Variants in ATP8B2 observed in about 807,000 individuals in gnomAD.
The protein encoded by ATP8B2 is ATPase phospholipid transporting 8B2, also known as phospholipid-transporting ATPase ID.
A neutral mutation model predicts 133.4 loss-of-function variants in ATP8B2; 70 were observed. The observed-to-expected ratio is 0.52, with a 90% CI of 0.43 to 0.64. The LOEUF (loss-of-function observed/expected upper bound fraction) is 0.64. Among genes scored for constraint, ATP8B2 ranks in the 30% least tolerant of loss-of-function variants. The pLI, the probability that ATP8B2 is intolerant of heterozygous loss-of-function variation, is 0.00. For synonymous variants in ATP8B2, 517 were observed against 589.5 expected (o/e 0.88, Z 1.78); for missense variants, 1,101 against 1,535.7 (o/e 0.72, Z 4.73).
rs1686125344 is a variant in ATP8B2 at position 154,334,949 on chromosome 1, AG to A, written c.837+359del. 6.6e-6 allele frequency among the ~76,000 whole-genome samples: 1 copy of A among 152,198 alleles called. No homozygotes were observed. Among genetic ancestry groups the A allele is most frequent in the African/African-American group, 2.4e-5 (1 of 41,442 alleles). ...ATTAAAAGAAAAATTTCCATTTGGAAGAGGTTGGCAGGGTCTTTTCCCCCCA... is the reference window on the plus strand; with the variant it reads ...ATTAAAAGAAAAATTTCCATTTGGAAAGGTTGGCAGGGTCTTTTCCCCCCA... On this transcript the variant is annotated intron_variant, in intron 11 of 27. Coordinates refer to ENST00000368489, the MANE Select transcript of ATP8B2 (RefSeq NM_001370597.1). This position sits in a 1 kb window ranked among gnomAD's most constrained non-coding sequence, Gnocchi z 4.6.
At chr1:154,341,307 A>T in intron 13 of ATP8B2, 1 of 566,516 alleles carries the variant, frequency 1.8e-6, no homozygotes, top group Admixed American at 3.0e-5. Flanking sequence ...CAACATAGTG[A>T]GACCACATCC....
At position 154,344,417 on chromosome 1, in the gene ATP8B2, T is replaced by C. The variant is rs1168663905; in HGVS notation, c.2058T>C (p.Tyr686=). The C allele has an allele frequency of 1.9e-6, 3 of 1,614,164 alleles. No individual in the cohort carries two copies. The highest frequency in any genetic ancestry group is 2.2e-5 in the East Asian group (1 of 44,890). ...DKQETAVNIG[Y]SCKMLTDDMT... ...TAGAGACGGCTGTGAACATCGGCTA[T>C]TCCTGCAAGATGCTGACGGATGACA... The change falls in exon 20 of 28, where the codon TAT becomes TAC. Residue 686 remains tyrosine, a synonymous_variant. Transcript: ENST00000368489. The surrounding 1 kb of genome is among the most constrained non-coding windows in gnomAD (Gnocchi z 4.1).
intron 27 of ATP8B2, 57 bp from the exon 28 acceptor site, chr1:154,348,783 T>C: frequency 6.7e-7 from 1 of 1,502,264 alleles, no homozygotes; most frequent in Non-Finnish European, 8.9e-7. Flanking sequence ...CCCTTCTCCT[T>C]GGCGATATCT....
At chr1:154,337,885 G>A (rs1032098245) in intron 12 of ATP8B2, 1 of 766,360 alleles carries the variant, frequency 1.3e-6, no homozygotes, top group Non-Finnish European at 1.9e-6. Context: ...TCTAGTAAAG[G>A]AAGGAAAATC....
chr1:154,343,872 G>A lies in ATP8B2; in HGVS notation c.1759-21G>A. The A allele has an allele frequency of 6.3e-7, 1 of 1,591,086 alleles. No individual in the cohort carries two copies. Among genetic ancestry groups the A allele is most frequent in the Non-Finnish European group, 8.6e-7 (1 of 1,168,466 alleles). ...TAGCTCTCCAGACTTACCCAGGTGT[G>A]CCTTTCCACTCTGCCTCCAGGAGTA... On this transcript the variant is annotated intron_variant, in intron 17 of 27. Coordinates refer to ENST00000368489, the MANE Select transcript of ATP8B2 (RefSeq NM_001370597.1). The surrounding 1 kb of genome is among the most constrained non-coding windows in gnomAD (Gnocchi z 5.8).
In ATP8B2 at chr1:154,345,793, C is replaced by T; in HGVS notation, c.2695-7C>T. The T allele has an allele frequency of 6.2e-7, 1 of 1,608,722 alleles. No homozygotes were observed. Among genetic ancestry groups the T allele is most frequent in the South Asian group, 1.1e-5 (1 of 90,928 alleles). On this transcript the variant is annotated splice_polypyrimidine_tract_variant and splice_region_variant and intron_variant, in intron 23 of 27. Coordinates refer to ENST00000368489, the MANE Select transcript of ATP8B2 (RefSeq NM_001370597.1). This position sits in a 1 kb window ranked among gnomAD's most constrained non-coding sequence, Gnocchi z 5.6. ...TGCATGCTCCCTTGCTCCCTGTTCTCTTCCAGACCGTCTATGACCAGTATT... is the reference window on the plus strand; with the variant it reads ...TGCATGCTCCCTTGCTCCCTGTTCTTTTCCAGACCGTCTATGACCAGTATT...
chr1:154,331,629 A>G lies in ATP8B2; in HGVS notation c.389A>G (p.Asn130Ser). The G allele has an allele frequency of 1.2e-6, 2 of 1,614,182 alleles. No homozygotes were observed. Among genetic ancestry groups the G allele is most frequent in the African/African-American group, 1.3e-5 (1 of 75,030 alleles). Residue 130 changes from asparagine (N) to serine (S), a missense_variant, in exon 7 of 28, where the codon AAT becomes AGT. Transcript: ENST00000368489. This position sits in a 1 kb window ranked among gnomAD's most constrained non-coding sequence, Gnocchi z 4.8. Reference protein sequence around the residue: ...NGILQQEQWMNVCVGDIIKLE... With the variant: ...NGILQQEQWMSVCVGDIIKLE... ...AGCCTCCAGCAGGAGCAGTGGATGA[A>G]TGTCTGTGTTGGTGATATTATCAAG...
In ATP8B2 at chr1:154,345,144, C is replaced by T; in HGVS notation, c.2460C>T (p.Ser820=). ...TTGGAGACGGAGCCAATGATGTCAGCATGATCAAAAGTGAGTGTGGGCTGT... is the reference window on the plus strand; with the variant it reads ...TTGGAGACGGAGCCAATGATGTCAGTATGATCAAAAGTGAGTGTGGGCTGT... The part of the protein sequence containing the change: ...LAIGDGANDV[S]MIKTAHIGVG... The change falls in exon 22 of 28, where the codon AGC becomes AGT. Residue 820 remains serine (S), a synonymous_variant. Transcript: ENST00000368489. This position sits in a 1 kb window ranked among gnomAD's most constrained non-coding sequence, Gnocchi z 5.6. 6.2e-7 allele frequency: 1 copy of T among 1,613,522 alleles called. No individual in the cohort carries two copies. The highest frequency in any genetic ancestry group is 8.5e-7 in the Non-Finnish European group (1 of 1,179,648).
chr1:154,338,046 G>C (rs796855932), intron 12 of ATP8B2, among the ~76,000 whole-genome samples: 1 of 152,242 alleles, frequency 6.6e-6, no homozygotes, highest in African/African-American at 2.4e-5. Flanking sequence ...TCTGGACAGT[G>C]TCAGACTGAG....
At chr1:154,333,869 A>G (rs1686087646) in intron 9 of ATP8B2, among the ~76,000 whole-genome samples, 1 of 151,982 alleles carries the variant, frequency 6.6e-6, no homozygotes, top group South Asian at 2.1e-4. Context: ...TCCTGACCTC[A>G]GCTGATCCAC....
rs1029902515 is a variant in ATP8B2 at position 154,343,883 on chromosome 1, C to T, written c.1759-10C>T. On this transcript the variant is annotated splice_polypyrimidine_tract_variant and intron_variant, in intron 17 of 27. Coordinates refer to ENST00000368489, the MANE Select transcript of ATP8B2 (RefSeq NM_001370597.1). This position sits in a 1 kb window ranked among gnomAD's most constrained non-coding sequence, Gnocchi z 5.8. ...ACTTACCCAGGTGTGCCTTTCCACT[C>T]TGCCTCCAGGAGTACGCAGGGGAAG... 1.0e-5 allele frequency: 16 copies of T among 1,596,584 alleles called. No individual in the cohort carries two copies. Among genetic ancestry groups the T allele is most frequent in the Non-Finnish European group, 1.4e-5 (16 of 1,171,312 alleles).
chr1:154,332,573 A>G (rs977519876), intron 8 of ATP8B2, 45 bp from the exon 9 acceptor site: 2 of 1,458,408 alleles, frequency 1.4e-6, no homozygotes. Flanking sequence ...AAAAACATTT[A>G]GAGGATGAGG....
chr1:154,332,117 C>A, intron 8 of ATP8B2, 93 bp downstream of exon 8: 1 of 1,357,116 alleles, frequency 7.4e-7, no homozygotes, highest in Non-Finnish European at 1.0e-6. Context: ...TGGGCTCTGT[C>A]TGAATTTGGA....
chr1:154,327,446 C>A (rs2149157232), intron 1 of ATP8B2, among the ~76,000 whole-genome samples: 1 of 152,122 alleles, frequency 6.6e-6, no homozygotes, highest in Non-Finnish European at 1.5e-5. Flanking sequence ...GAGGGAGGGG[C>A]AAACTCCCCA....
intron 13 of ATP8B2, chr1:154,341,422 G>A (rs1686380754): frequency 5.6e-6 from 2 of 356,710 alleles, no homozygotes; most frequent in East Asian, 7.0e-5. Context: ...GAGCCTGGGA[G>A]GTCAAGGCTG....
In ATP8B2 at chr1:154,349,078, G is replaced by A. The variant is rs769288869; in HGVS notation, c.3533G>A (p.Ser1178Asn). 6.2e-7 allele frequency: 1 copy of A among 1,614,240 alleles called. No homozygotes were observed. Reference protein sequence around the residue: ...SLRRKKSDSASSPSGGADKPL... With the variant: ...SLRRKKSDSANSPSGGADKPL... ...CGCAGGAAGAAGAGTGACAGTGCCA[G>A]TAGCCCCAGTGGCGGTGCCGACAAG... Residue 1178 changes from serine (S) to asparagine (N), a missense_variant, in exon 28 of 28, where the codon AGT becomes AAT. By Grantham distance (46) the Ser-to-Asn change is conservative (BLOSUM62 1). Coordinates refer to ENST00000368489, the MANE Select transcript of ATP8B2 (RefSeq NM_001370597.1).
At chr1:154,337,289 A>T in intron 11 of ATP8B2, 59 bp from the exon 12 acceptor site, 1 of 1,552,738 alleles carries the variant, frequency 6.4e-7, no homozygotes, top group Non-Finnish European at 8.7e-7. Context: ...TCACAGATGC[A>T]CTTGGTTTTG....
At chr1:154,342,020 C>T (rs150626755) in intron 13 of ATP8B2, among the ~76,000 whole-genome samples, 1 of 152,166 alleles carries the variant, frequency 6.6e-6, no homozygotes, top group Non-Finnish European at 1.5e-5. Flanking sequence ...CAGTGTGGCC[C>T]GTGGCTGTGC....
Position 154,328,043 on chromosome 1 carries a change from C to T in ATP8B2, c.-37-62C>T, listed in dbSNP as rs900918408. The T allele has an allele frequency of 6.4e-7, 1 of 1,566,894 alleles. No individual in the cohort carries two copies. The highest frequency in any genetic ancestry group is 1.4e-5 in the African/African-American group (1 of 73,890). On this transcript the variant is annotated intron_variant, in intron 1 of 27. Coordinates refer to ENST00000368489, the MANE Select transcript of ATP8B2 (RefSeq NM_001370597.1). The surrounding 1 kb of genome is among the most constrained non-coding windows in gnomAD (Gnocchi z 4.6). ...AGAAGAGGGTCTTCAAAAGAGGTCTCATGAGGGGAGGGAAGGGTTATCCTC... is the reference window on the plus strand; with the variant it reads ...AGAAGAGGGTCTTCAAAAGAGGTCTTATGAGGGGAGGGAAGGGTTATCCTC...
Sources: gnomAD v4.1 joint callset for allele counts (sites outside exome capture counted in the v4.1 genomes callset) on GRCh38, gnomAD v4.1.1 for gene constraint, Gnocchi (gnomAD v3.1) non-coding constraint, MANE v1.5 for transcripts, NCBI Gene and HGNC (gene_info 2026-07-23, HGNC 2026-07-21) for gene names.